The following SLC37A1 variants were observed in gnomAD, a reference collection of about 807,000 sequenced individuals.
The protein encoded by SLC37A1 is solute carrier family 37 member 1.
SLC37A1 carries 49 observed loss-of-function variants against 75.3 expected under a neutral mutation model. The ratio of observed to expected loss-of-function variants is 0.65; its 90% CI spans 0.52 to 0.83. The LOEUF is 0.83. Among genes scored for constraint, SLC37A1 ranks in the 40% least tolerant of loss-of-function variants. The pLI, the probability that SLC37A1 is intolerant of heterozygous loss-of-function variation, is 0.00. For synonymous variants in SLC37A1, 268 were observed against 292.1 expected (o/e 0.92, Z 0.84); for missense variants, 566 against 695.0 (o/e 0.81, Z 2.09).
At chr21:42,518,243 A>C (rs1015782279) in intron 1 of SLC37A1, 34 bp from the exon 2 acceptor site, 8 of 589,666 alleles carry the variant, frequency 1.4e-5, no homozygotes, top group African/African-American at 3.7e-5. Context: ...ATGTCACGAC[A>C]CTGGACTCTG....
At chr21:42,571,621 C>T (rs537983434) in intron 17 of SLC37A1, among the ~76,000 whole-genome samples, 2 of 152,058 alleles carry the variant, frequency 1.3e-5, no homozygotes, top group African/African-American at 4.8e-5. Context: ...ATCATCTGAA[C>T]GTCATCAGCT....
chr21:42,523,301 C>A (rs2054699353), intron 2 of SLC37A1, among the ~76,000 whole-genome samples: 1 of 152,188 alleles, frequency 6.6e-6, no homozygotes, highest in South Asian at 2.1e-4. Flanking sequence ...GAGAAGGAAA[C>A]CCTGTACTCC....
At chr21:42,525,937 A>G (rs958005081) in intron 3 of SLC37A1, 80 bp downstream of exon 3, 16 of 1,033,502 alleles carry the variant, frequency 1.5e-5, no homozygotes, top group Non-Finnish European at 2.3e-5. Context: ...GAGGATGGGG[A>G]TGGTAGCAGG....
At position 42,580,519 on chromosome 21, in the gene SLC37A1, G is replaced by A; in HGVS notation, c.*159G>A. ...ACAGAAGCCAACCTGAGAACCCCTG[G>A]TGCTATTTTAAAGGAGACATATTGC... On this transcript the variant is annotated 3_prime_UTR_variant, in exon 20 of 20. Coordinates refer to ENST00000352133, the MANE Select transcript of SLC37A1 (RefSeq NM_001320537.2). The A allele has an allele frequency of 1.4e-6, 1 of 728,302 alleles. No individual in the cohort carries two copies. The highest frequency in any genetic ancestry group is 1.9e-5 in the South Asian group (1 of 53,784). The allele number at this position is 728,302 out of a possible 1,614,324, so 45.1% of individuals were successfully genotyped here.
Position 42,547,346 on chromosome 21 carries a change from G to C in SLC37A1, c.768+206G>C. On this transcript the variant is annotated intron_variant, in intron 9 of 19. Transcript: ENST00000352133. The surrounding 1 kb of genome is among the most constrained non-coding windows in gnomAD (Gnocchi z 6.1). ...CCTTATCAGCAAAACCCAGACAAGA[G>C]GTTCAATGCTGTCCAGATGAAGGAC... 3.5e-6 allele frequency: 2 copies of C among 576,712 alleles called. No individual in the cohort carries two copies. The highest frequency in any genetic ancestry group is 6.2e-6 in the Non-Finnish European group (2 of 323,538). 35.7% of individuals were successfully genotyped at this position (576,712 alleles called of 1,614,324 possible).
At chr21:42,569,859 C>G (rs927591625) in intron 17 of SLC37A1, among the ~76,000 whole-genome samples, 1 of 152,264 alleles carries the variant, frequency 6.6e-6, no homozygotes, top group East Asian at 1.9e-4. Context: ...GCCCAGGCGG[C>G]TGACTGCACA....
At chr21:42,539,242 A>G (rs1193425874) in intron 5 of SLC37A1, among the ~76,000 whole-genome samples, 1 of 152,256 alleles carries the variant, frequency 6.6e-6, no homozygotes, top group Non-Finnish European at 1.5e-5. Flanking sequence ...CAGCTATCAT[A>G]GATAAGTCCT....
chr21:42,580,658 C>T lies in SLC37A1; in HGVS notation c.*298C>T, dbSNP rs771835220. 7 of 246,934 alleles carry T rather than the reference C, an allele frequency of 2.8e-5. No individual in the cohort carries two copies. Among genetic ancestry groups the T allele is most frequent in the African/African-American group, 7.4e-5 (3 of 40,598 alleles). 15.3% of individuals were successfully genotyped at this position (246,934 alleles called of 1,614,324 possible). A position where few individuals can be genotyped will look rare whatever the true frequency, so the allele number is the denominator to read the frequency against. Reference sequence around the variant, plus strand: ...GTGCCCATGCAGCCACCCAAATGCACGCGTGACAACAAGGCCGGGAGGGTG... The same window carrying T: ...GTGCCCATGCAGCCACCCAAATGCATGCGTGACAACAAGGCCGGGAGGGTG... On this transcript the variant is annotated 3_prime_UTR_variant, in exon 20 of 20. Coordinates refer to ENST00000352133, the MANE Select transcript of SLC37A1 (RefSeq NM_001320537.2).
chr21:42,575,059 T>A, intron 18 of SLC37A1, 144 bp downstream of exon 18: 1 of 1,439,650 alleles, frequency 6.9e-7, no homozygotes, highest in Non-Finnish European at 9.1e-7. Context: ...ATGCGTGGTC[T>A]AAAGCTCCTT....
At chr21:42,524,782 G>T (rs1568990356) in intron 2 of SLC37A1, among the ~76,000 whole-genome samples, 2 of 152,228 alleles carry the variant, frequency 1.3e-5, no homozygotes, top group Non-Finnish European at 2.9e-5. Context: ...TAAGAAACAT[G>T]CTTTTGGTCT....
intron 3 of SLC37A1, among the ~76,000 whole-genome samples, chr21:42,530,656 C>CACACACACACACACACACACACACACA (rs1568997149): frequency 8.5e-5 from 2 of 23,472 alleles, no homozygotes; most frequent in African/African-American, 1.4e-4. Flanking sequence ...ACACACACAC[C>CACACACACACACACACACACACACACA]CCCTCTGTGT....
chr21:42,536,704 C>T (rs1035595471), intron 5 of SLC37A1, among the ~76,000 whole-genome samples: 1 of 152,184 alleles, frequency 6.6e-6, no homozygotes, highest in Non-Finnish European at 1.5e-5. Flanking sequence ...GTGAGCAGGG[C>T]ATACAAAACA....
rs2054378357 is a variant in SLC37A1 at position 42,505,701 on chromosome 21, G to A, written c.-179+3284G>A. Among the ~76,000 whole-genome samples the A allele has an allele frequency of 2.0e-5, 3 of 152,316 alleles. No homozygotes were observed. In the East Asian group the frequency reaches 5.8e-4, roughly 29 times the overall value. On this transcript the variant is annotated intron_variant, in intron 2 of 20. Transcript: ENST00000398341. ...TGGTATGTGCAAAACATTGGCTTGT[G>A]AAAATTACAGTATCCAAAACATGAT...
rs771252056 is a variant in SLC37A1, at chr21:42,565,795, A to G, written c.1222-32A>G. ...AATCTCGCACTGCTTGCAGCCAGCCATGGCTTTGACCTTGTGTCTTGATGT... is the reference window on the plus strand; with the variant it reads ...AATCTCGCACTGCTTGCAGCCAGCCGTGGCTTTGACCTTGTGTCTTGATGT... On this transcript the variant is annotated intron_variant, in intron 14 of 19. Coordinates refer to ENST00000352133, the MANE Select transcript of SLC37A1 (RefSeq NM_001320537.2). 3.1e-6 allele frequency: 5 copies of G among 1,606,908 alleles called. No individual in the cohort carries two copies. In the South Asian group the frequency reaches 3.3e-5, roughly 11 times the overall value.
In SLC37A1 at chr21:42,506,987, A is replaced by G. The variant is rs957804361; in HGVS notation, c.-179+4570A>G. On this transcript the variant is annotated intron_variant, in intron 2 of 20. Coordinates refer to the SLC37A1 transcript ENST00000398341. ...CACCTCTGCCTCCTGGGTTCAAACA[A>G]TTCTCCTGTCTCAGCCTCCCAAGTA... 9.9e-5 allele frequency among the ~76,000 whole-genome samples: 15 copies of G among 152,274 alleles called. No individual in the cohort carries two copies. The East Asian group carries it at 2.7e-3, about 27-fold the overall frequency.
At chr21:42,501,913 C>G (rs2054345389) in intron 1 of SLC37A1, among the ~76,000 whole-genome samples, 1 of 151,972 alleles carries the variant, frequency 6.6e-6, no homozygotes, top group South Asian at 2.1e-4. Context: ...TTTTCAAGGT[C>G]TAAGGGTGGA....
chr21:42,574,306 G>T, intron 17 of SLC37A1, among the ~76,000 whole-genome samples: 1 of 152,080 alleles, frequency 6.6e-6, no homozygotes, highest in East Asian at 1.9e-4. Context: ...ATTTCCTTAC[G>T]TGTACTCAAG....
chr21:42,555,019 T>A (rs1043490502), intron 10 of SLC37A1, among the ~76,000 whole-genome samples: 1 of 146,158 alleles, frequency 6.8e-6, no homozygotes, highest in African/African-American at 2.5e-5. Flanking sequence ...AAGATCTTAC[T>A]CTGTCGCCCA....
rs115086118 is a variant in SLC37A1 at position 42,547,049 on chromosome 21, T to C, written c.731-54T>C. 8.3e-4 allele frequency: 1,339 copies of C among 1,612,866 alleles called. 12 individuals are homozygous for C. In the African/African-American group the frequency reaches 0.015, roughly 18 times the overall value. On this transcript the variant is annotated intron_variant, in intron 8 of 19. Coordinates refer to ENST00000352133, the MANE Select transcript of SLC37A1 (RefSeq NM_001320537.2). This position sits in a 1 kb window ranked among gnomAD's most constrained non-coding sequence, Gnocchi z 6.1. The stretch of plus-strand genomic sequence containing the variant: ...CTGTCCTCGGGTTACGTAGCTTACT[T>C]GGCATTGCCATGGTGGTGGACCTGC...
Sources: allele counts gnomAD v4.1 joint callset (sites outside exome capture counted in the v4.1 genomes callset), GRCh38; gene constraint gnomAD v4.1.1; non-coding constraint Gnocchi (gnomAD v3.1); transcripts MANE v1.5; gene names NCBI Gene and HGNC (gene_info 2026-07-23, HGNC 2026-07-21).